Variants in SLCO2B1 observed in about 807,000 individuals in gnomAD.
SLCO2B1 encodes the protein solute carrier organic anion transporter family member 2B1, also known as OATP-RP2.
Under a neutral mutation model 67.3 loss-of-function variants are expected in SLCO2B1, and 41 were observed. That is an observed-to-expected ratio of 0.61 (90% confidence interval 0.47 to 0.79). SLCO2B1 has a LOEUF of 0.79. Ranked by LOEUF, SLCO2B1 falls within the 30% of genes least tolerant of loss-of-function variation. The pLI, the probability that SLCO2B1 is intolerant of heterozygous loss-of-function variation, is 0.00. For missense variants in SLCO2B1, 837 were observed against 920.1 expected, an observed-to-expected ratio of 0.91 and a Z score of 1.17; for synonymous variants, 379 against 381.4, an observed-to-expected ratio of 0.99 and a Z score of 0.07.
At chr11:75,157,410 A>T (rs1949758010) in intron 1 of SLCO2B1, among the ~76,000 whole-genome samples, 1 of 152,206 alleles carries the variant, frequency 6.6e-6, no homozygotes, top group African/African-American at 2.4e-5. Context: ...TGCTTTCTGC[A>T]CCAGGAAGGA....
chr11:75,196,176 G>A (rs545179715), intron 9 of SLCO2B1: 350 of 212,190 alleles, frequency 1.6e-3, no homozygotes, highest in Non-Finnish European at 2.6e-3. Flanking sequence ...ATTGATTTTC[G>A]GAGAAAGGAA....
rs1949685244 is a variant in SLCO2B1, at chr11:75,151,352, G to A, written c.-30G>A. On this transcript the variant is annotated 5_prime_UTR_variant, in exon 1 of 14. Coordinates refer to ENST00000289575, the MANE Select transcript of SLCO2B1 (RefSeq NM_007256.5). ...AGCTCCAGGTCCTGAGATTAAATTAGGGGCTGGAGCTCACTGCACTCCAGC... is the reference window on the plus strand; with the variant it reads ...AGCTCCAGGTCCTGAGATTAAATTAAGGGCTGGAGCTCACTGCACTCCAGC... The A allele has an allele frequency of 6.2e-7, 1 of 1,610,378 alleles. No homozygotes were observed. Among genetic ancestry groups the A allele is most frequent in the African/African-American group, 1.3e-5 (1 of 74,892 alleles).
rs888210182 is a variant in SLCO2B1 at position 75,165,657 on chromosome 11, G to C, written c.286-130G>C. ...CCTTCCGAGGGGGACCCAGGAGAGG[G>C]ACCCAGATGATTTTTATTCAGTCCA... On this transcript the variant is annotated intron_variant, in intron 3 of 13. Transcript: ENST00000289575. 6.6e-5 allele frequency: 72 copies of C among 1,083,822 alleles called. No individual in the cohort carries two copies. In the Admixed American group the frequency reaches 1.6e-3, roughly 23 times the overall value. The allele number at this position is 1,083,822 out of a possible 1,614,324, so 67.1% of individuals were successfully genotyped here.
At chr11:75,200,452 G>C in intron 11 of SLCO2B1, 65 bp downstream of exon 11, 2 of 1,472,780 alleles carry the variant, frequency 1.4e-6, no homozygotes, top group Non-Finnish European at 1.8e-6. Flanking sequence ...GGCAGAACAA[G>C]GAATTCCAAG....
intron 1 of SLCO2B1, among the ~76,000 whole-genome samples, chr11:75,155,686 G>A (rs1383978107): frequency 3.9e-5 from 6 of 152,172 alleles, no homozygotes; most frequent in Admixed American, 6.5e-5. Flanking sequence ...TCGAGCTCCT[G>A]ACCTCAGGTG....
intron 9 of SLCO2B1, among the ~76,000 whole-genome samples, chr11:75,194,616 A>C (rs1945075200): frequency 1.3e-5 from 2 of 149,904 alleles, no homozygotes; most frequent in Non-Finnish European, 3.0e-5. Context: ...TCTGCTCTCT[A>C]GCCTGGGGCC....
intron 8 of SLCO2B1, among the ~76,000 whole-genome samples, chr11:75,192,067 C>G (rs1187317528): frequency 6.6e-6 from 1 of 152,152 alleles, no homozygotes; most frequent in African/African-American, 2.4e-5. Flanking sequence ...GGCCCCTACT[C>G]AATTCCTTTT....
chr11:75,192,165 A>G (rs772598200), intron 8 of SLCO2B1, among the ~76,000 whole-genome samples: 1 of 152,072 alleles, frequency 6.6e-6, no homozygotes, highest in Non-Finnish European at 1.5e-5. Flanking sequence ...AGCACCAAGC[A>G]GACTCAGATT....
chr11:75,162,941 A>T (rs1949840410), intron 2 of SLCO2B1, 156 bp downstream of exon 2: 2 of 906,134 alleles, frequency 2.2e-6, no homozygotes, highest in East Asian at 5.6e-5. Flanking sequence ...CTGCGAAAGC[A>T]CTCAGCTGGG....
chr11:75,169,455 A>G (rs773321366), intron 5 of SLCO2B1, 49 bp downstream of exon 5: 16 of 1,492,658 alleles, frequency 1.1e-5, no homozygotes, highest in Non-Finnish European at 1.4e-5. Flanking sequence ...GCCAGGCTCA[A>G]CTAGGAGGAA....
At chr11:75,180,456 T>C (rs1950079701) in intron 7 of SLCO2B1, among the ~76,000 whole-genome samples, 1 of 152,218 alleles carries the variant, frequency 6.6e-6, no homozygotes, top group Non-Finnish European at 1.5e-5. Flanking sequence ...ATTACACCCC[T>C]ACCAACAGGG....
At chr11:75,191,314 A>G (rs2140335703) in intron 8 of SLCO2B1, among the ~76,000 whole-genome samples, 1 of 152,260 alleles carries the variant, frequency 6.6e-6, no homozygotes, top group South Asian at 2.1e-4. Flanking sequence ...ATTGAAATTC[A>G]TGGCTCAATA....
intron 9 of SLCO2B1, among the ~76,000 whole-genome samples, chr11:75,195,393 A>T (rs1001104786): frequency 2.0e-5 from 3 of 151,776 alleles, no homozygotes; most frequent in African/African-American, 7.3e-5. Context: ...ATGTGCCAAG[A>T]TGTTGTCAGA....
chr11:75,159,223 C>T (rs931157411), intron 1 of SLCO2B1, among the ~76,000 whole-genome samples: 3 of 152,360 alleles, frequency 2.0e-5, no homozygotes, highest in Non-Finnish European at 2.9e-5. Flanking sequence ...GCCAAGTGAC[C>T]GACTGACAGT....
At position 75,162,917 on chromosome 11, in the gene SLCO2B1, A is replaced by C. The variant is rs565871895; in HGVS notation, c.147+132A>C. The C allele has an allele frequency of 6.3e-6, 7 of 1,116,618 alleles. No homozygotes were observed. The African/African-American group carries it at 1.1e-4, about 18-fold the overall frequency. 69.2% of individuals were successfully genotyped at this position (1,116,618 alleles called of 1,614,324 possible). On this transcript the variant is annotated intron_variant, in intron 2 of 13. Transcript: ENST00000289575. ...ATCTATAGAATGTGTGGCTGTGAGG[A>C]TCAAAGGGATGATCTGCGAAAGCAC... is the stretch of plus-strand genomic sequence containing the variant.
chr11:75,186,284 C>T (rs973010927), intron 7 of SLCO2B1, among the ~76,000 whole-genome samples: 2 of 151,768 alleles, frequency 1.3e-5, no homozygotes, highest in African/African-American at 4.8e-5. Flanking sequence ...TCTCAGCTCA[C>T]TACAACCTCC....
chr11:75,166,371 A>T (rs1443289944), intron 4 of SLCO2B1, among the ~76,000 whole-genome samples: 2 of 152,216 alleles, frequency 1.3e-5, no homozygotes, highest in African/African-American at 4.8e-5. Flanking sequence ...CATAAAAGAC[A>T]TTGGGAAAAG....
chr11:75,196,624 C>A lies in SLCO2B1; in HGVS notation c.1544C>A (p.Pro515His), dbSNP rs199904235. The A allele has an allele frequency of 1.2e-5, 19 of 1,614,048 alleles. No homozygotes were observed. Among genetic ancestry groups the A allele is most frequent in the Non-Finnish European group, 1.3e-5 (15 of 1,180,028 alleles). ...AGCACTCGTGTGGAATACATCACACCCTGCCACGCAGGCTGCTCAAGCTGG... is the reference window on the plus strand; with the variant it reads ...AGCACTCGTGTGGAATACATCACACACTGCCACGCAGGCTGCTCAAGCTGG... ...DPSTRVEYIT[P>H]CHAGCSSWVV... is the part of the protein sequence containing the mutation. Residue 515 changes from proline to histidine, a missense_variant, in exon 10 of 14, where the codon CCC becomes CAC. Transcript: ENST00000289575.
intron 10 of SLCO2B1, among the ~76,000 whole-genome samples, chr11:75,198,532 C>A (rs754354863): frequency 3.9e-5 from 6 of 152,220 alleles, no homozygotes; most frequent in Non-Finnish European, 7.3e-5. Flanking sequence ...AGGAAAGGAC[C>A]AGACATTGCC....
Sources: allele counts gnomAD v4.1 joint callset (sites outside exome capture counted in the v4.1 genomes callset), GRCh38; gene constraint gnomAD v4.1.1; transcripts MANE v1.5; gene names NCBI Gene and HGNC (gene_info 2026-07-23, HGNC 2026-07-21).